Variants in BARX2 observed in about 807,000 individuals in gnomAD.
The protein encoded by BARX2 is BARX homeobox 2, also known as homeobox protein BarH-like 2.
Under a neutral mutation model 25.5 loss-of-function variants are expected in BARX2, and 11 were observed. The ratio of observed to expected loss-of-function variants is 0.43; its 90% CI spans 0.27 to 0.71. The LOEUF (loss-of-function observed/expected upper bound fraction) is 0.71, where lower values mean the gene tolerates loss of function less well. Ranked by LOEUF, BARX2 falls within the 30% of genes least tolerant of loss-of-function variation. The probability of loss-of-function intolerance (pLI) is 0.19; values close to 1 mark genes in which losing one functional copy is unlikely to be tolerated. For synonymous variants in BARX2, 137 were observed against 149.5 expected (o/e 0.92, Z 0.61); for missense variants, 360 against 359.9 (o/e 1.00, Z 0.00).
chr11:129,417,254 G>T (rs1290399161), intron 1 of BARX2, among the ~76,000 whole-genome samples: 2 of 152,148 alleles, frequency 1.3e-5, no homozygotes, highest in East Asian at 1.9e-4. Context: ...TCTTCTGCCA[G>T]TGCTTTGCTA....
Position 129,451,145 on chromosome 11 carries a change from G to A in BARX2, c.583G>A (p.Gly195Ser), listed in dbSNP as rs1862393792. ...TTTTTTACTCACGTAGGTTCTTAAAGGTGGACAGGAAGCACCCACAAAACC... is the reference window on the plus strand; with the variant it reads ...TTTTTTACTCACGTAGGTTCTTAAAAGTGGACAGGAAGCACCCACAAAACC... ...RMKWKKMVLK[G>S]GQEAPTKPKG... Residue 195 changes from glycine (G) to serine (S), a missense_variant, in exon 4 of 4, where the codon GGT becomes AGT. Gly to Ser is a moderately conservative substitution (Grantham distance 56). This residue lies in a region of BARX2 where 114 missense variants were observed against 109.4 expected (regional missense o/e 1.04). Transcript: ENST00000281437. 1.2e-6 allele frequency: 2 copies of A among 1,613,526 alleles called. No individual in the cohort carries two copies. Among genetic ancestry groups the A allele is most frequent in the African/African-American group, 1.3e-5 (1 of 74,886 alleles).
intron 1 of BARX2, among the ~76,000 whole-genome samples, chr11:129,394,840 G>T (rs749379896): frequency 3.3e-5 from 5 of 151,902 alleles, no homozygotes; most frequent in Admixed American, 6.6e-5. Context: ...CATATTTTTA[G>T]CTTCAAAAGA....
At position 129,397,372 on chromosome 11, in the gene BARX2, T is replaced by C. The variant is rs545326563; in HGVS notation, c.187+21150T>C. Among the ~76,000 whole-genome samples the C allele has an allele frequency of 5.3e-5, 8 of 152,262 alleles. No homozygotes were observed. In the South Asian group the frequency reaches 1.7e-3, roughly 32 times the overall value. On this transcript the variant is annotated intron_variant, in intron 1 of 3. Transcript: ENST00000281437. ...ATTTGAAATAAAATTATTCATGAGC[T>C]CACTTGCCTCTTTTTGTGCACAGGA...
At chr11:129,443,879 G>A (rs1862292276) in intron 3 of BARX2, among the ~76,000 whole-genome samples, 2 of 152,028 alleles carry the variant, frequency 1.3e-5, no homozygotes, top group African/African-American at 4.8e-5. Flanking sequence ...AAGAAGCCCT[G>A]CTGTTCTCTG....
chr11:129,446,267 C>A (rs1205147256), intron 3 of BARX2, among the ~76,000 whole-genome samples: 2 of 152,148 alleles, frequency 1.3e-5, no homozygotes, highest in African/African-American at 2.4e-5. Flanking sequence ...CAAACAGATA[C>A]CTCCTTTCTC....
At chr11:129,401,522 A>G (rs1448933844) in intron 1 of BARX2, among the ~76,000 whole-genome samples, 1 of 152,226 alleles carries the variant, frequency 6.6e-6, no homozygotes, top group Non-Finnish European at 1.5e-5. Context: ...ATAAATTGAC[A>G]TAGGATATGT....
chr11:129,416,085 TTC>T (rs985034719), intron 1 of BARX2, among the ~76,000 whole-genome samples: 2 of 152,226 alleles, frequency 1.3e-5, no homozygotes, highest in African/African-American at 4.8e-5. Context: ...GGGCTGGCTG[TTC>T]TCTGTGTGGG....
intron 2 of BARX2, among the ~76,000 whole-genome samples, chr11:129,438,497 C>G (rs1329297286): frequency 1.3e-5 from 2 of 152,128 alleles, no homozygotes; most frequent in Non-Finnish European, 2.9e-5. Flanking sequence ...GACACCAGTC[C>G]TATCAAAAAG....
chr11:129,405,681 G>A (rs1861822357), intron 1 of BARX2, among the ~76,000 whole-genome samples: 1 of 152,170 alleles, frequency 6.6e-6, no homozygotes, highest in South Asian at 2.1e-4. Flanking sequence ...GGAGAACATA[G>A]AAGAAATGAT....
chr11:129,408,240 T>C (rs1323427486), intron 1 of BARX2, among the ~76,000 whole-genome samples: 1 of 152,140 alleles, frequency 6.6e-6, no homozygotes, highest in South Asian at 2.1e-4. Context: ...ATATATTCGG[T>C]TCTGTTGATG....
chr11:129,430,517 T>A (rs920257578), intron 1 of BARX2, among the ~76,000 whole-genome samples: 1 of 152,060 alleles, frequency 6.6e-6, no homozygotes, highest in Non-Finnish European at 1.5e-5. Flanking sequence ...AACATTTTAA[T>A]TTTTTTTGAA....
intron 1 of BARX2, among the ~76,000 whole-genome samples, chr11:129,395,653 C>T (rs1287287484): frequency 6.6e-6 from 1 of 152,144 alleles, no homozygotes; most frequent in Admixed American, 6.5e-5. Context: ...GGAAGAAATC[C>T]ACTCCTCTCA....
At chr11:129,418,253 G>C (rs1861966508) in intron 1 of BARX2, among the ~76,000 whole-genome samples, 1 of 152,128 alleles carries the variant, frequency 6.6e-6, no homozygotes, top group African/African-American at 2.4e-5. Flanking sequence ...TGGTCAATAA[G>C]GAAATGGCTC....
intron 1 of BARX2, among the ~76,000 whole-genome samples, chr11:129,433,372 C>G (rs1022698812): frequency 1.3e-5 from 2 of 152,208 alleles, no homozygotes; most frequent in African/African-American, 4.8e-5. Context: ...CACCCTGGCC[C>G]CTGCAGTCCA....
intron 3 of BARX2, among the ~76,000 whole-genome samples, chr11:129,445,767 G>A (rs1295475009): frequency 2.6e-5 from 4 of 152,124 alleles, no homozygotes; most frequent in Middle Eastern, 3.2e-3. Context: ...ATTATTTCAC[G>A]GAGCGGTCAG....
chr11:129,434,697 A>G (rs925938280), intron 1 of BARX2, among the ~76,000 whole-genome samples: 1 of 152,238 alleles, frequency 6.6e-6, no homozygotes, highest in Non-Finnish European at 1.5e-5. Flanking sequence ...ATATGCTTGT[A>G]TATAAATCTT....
At chr11:129,399,811 A>C (rs552034141) in intron 1 of BARX2, among the ~76,000 whole-genome samples, 108 of 152,316 alleles carry the variant, frequency 7.1e-4, no homozygotes, top group African/African-American at 2.4e-3. Context: ...GGTCATTGCC[A>C]TGGAAAGGGG....
chr11:129,421,505 A>G (rs1449673704), intron 1 of BARX2, among the ~76,000 whole-genome samples: 3 of 152,326 alleles, frequency 2.0e-5, no homozygotes, highest in East Asian at 1.9e-4. Context: ...AAGGATACAC[A>G]TCTATTAGAA....
At chr11:129,409,555 T>C (rs990869746) in intron 1 of BARX2, among the ~76,000 whole-genome samples, 1 of 152,230 alleles carries the variant, frequency 6.6e-6, no homozygotes, top group African/African-American at 2.4e-5. Context: ...GGATAATTGC[T>C]GTCCATTCAC....
Sources: allele counts gnomAD v4.1 joint callset (sites outside exome capture counted in the v4.1 genomes callset), GRCh38; gene constraint gnomAD v4.1.1; regional missense constraint gnomAD v4.1.1; transcripts MANE v1.5; gene names NCBI Gene and HGNC (gene_info 2026-07-23, HGNC 2026-07-21).